Variants in CDK14 observed in about 807,000 individuals in gnomAD.
The protein encoded by CDK14 is cyclin-dependent kinase 14.
A neutral mutation model predicts 60.7 loss-of-function variants in CDK14; 34 were observed. That is an observed-to-expected ratio of 0.56 (90% CI 0.43 to 0.75). The LOEUF is 0.75. Among genes scored for constraint, CDK14 ranks in the 30% least tolerant of loss-of-function variants. CDK14 has a pLI of 0.00. For missense variants in CDK14, 482 were observed against 564.1 expected, an observed-to-expected ratio of 0.85 and a Z score of 1.47; for synonymous variants, 197 against 203.7, an observed-to-expected ratio of 0.97 and a Z score of 0.28.
At chr7:91,063,873 C>T (rs562659966) in intron 11 of CDK14, among the ~76,000 whole-genome samples, 3 of 152,002 alleles carry the variant, frequency 2.0e-5, no homozygotes, top group Non-Finnish European at 4.4e-5. Context: ...GTTTCAGTGG[C>T]AATATTAATA....
chr7:91,173,443 T>TG (rs1291956697), intron 14 of CDK14, among the ~76,000 whole-genome samples: 9 of 150,694 alleles, frequency 6.0e-5, no homozygotes, highest in Non-Finnish European at 1.0e-4. Flanking sequence ...AAAAAAAAGG[T>TG]GGGGAGGAGC....
chr7:90,886,118 CT>C (rs563342135), intron 6 of CDK14, among the ~76,000 whole-genome samples: 127 of 152,160 alleles, frequency 8.3e-4, no homozygotes, highest in African/African-American at 2.9e-3. Flanking sequence ...TTTTATTAAG[CT>C]TTTGAATCTG....
At chr7:91,066,413 C>T (rs977034250) in intron 11 of CDK14, among the ~76,000 whole-genome samples, 1 of 152,168 alleles carries the variant, frequency 6.6e-6, no homozygotes, top group Non-Finnish European at 1.5e-5. Context: ...TAGTTTCAGC[C>T]TTTCAAGTCC....
chr7:90,726,478 T>C, intron 2 of CDK14, 89 bp from the exon 3 acceptor site: 1 of 1,400,220 alleles, frequency 7.1e-7, no homozygotes, highest in Non-Finnish European at 9.7e-7. Flanking sequence ...AAACTGAAAT[T>C]GGCATGCTTT....
intron 4 of CDK14, among the ~76,000 whole-genome samples, chr7:90,765,039 A>G (rs1804497112): frequency 6.6e-6 from 1 of 152,214 alleles, no homozygotes; most frequent in Non-Finnish European, 1.5e-5. Flanking sequence ...ATAGGTATTG[A>G]AAGACAAGCC....
chr7:90,742,898 G>T (rs1803409974), intron 3 of CDK14, among the ~76,000 whole-genome samples: 1 of 151,874 alleles, frequency 6.6e-6, no homozygotes, highest in African/African-American at 2.4e-5. Flanking sequence ...TGGTACGGAG[G>T]TATTTTGGCT....
chr7:90,966,193 A>G (rs567856648), intron 9 of CDK14, among the ~76,000 whole-genome samples: 1 of 152,266 alleles, frequency 6.6e-6, no homozygotes, highest in Admixed American at 6.5e-5. Flanking sequence ...AGTCTTTTAT[A>G]TAACTTTGTA....
intron 14 of CDK14, among the ~76,000 whole-genome samples, chr7:91,193,114 T>C (rs1323362026): frequency 1.3e-5 from 2 of 152,220 alleles, no homozygotes; most frequent in Non-Finnish European, 2.9e-5. Flanking sequence ...GGAATTTCCT[T>C]CAAGCATTTA....
At chr7:91,119,278 C>T (rs935461039) in intron 14 of CDK14, among the ~76,000 whole-genome samples, 6 of 152,008 alleles carry the variant, frequency 3.9e-5, no homozygotes, top group South Asian at 2.1e-4. Context: ...CTCAGGAGTT[C>T]GAGAACAGCC....
At chr7:91,035,397 T>C (rs1796896143) in intron 10 of CDK14, among the ~76,000 whole-genome samples, 1 of 152,244 alleles carries the variant, frequency 6.6e-6, no homozygotes, top group Non-Finnish European at 1.5e-5. Context: ...TAGAATGCCC[T>C]TCTTTGCTGT....
chr7:90,736,270 C>T (rs926502163), intron 3 of CDK14, among the ~76,000 whole-genome samples: 2 of 149,740 alleles, frequency 1.3e-5, no homozygotes, highest in Non-Finnish European at 3.0e-5. Flanking sequence ...CCTATTTGGC[C>T]ATCTTGCCAG....
intron 14 of CDK14, among the ~76,000 whole-genome samples, chr7:91,193,242 C>G (rs35120957): frequency 2.0e-5 from 3 of 152,006 alleles, no homozygotes; most frequent in African/African-American, 7.2e-5. Flanking sequence ...GACCTGGAAT[C>G]TATGGGTCTA....
intron 9 of CDK14, among the ~76,000 whole-genome samples, chr7:90,978,762 G>A (rs802392): frequency 0.73 from 111,100 of 151,968 alleles, 40,725 homozygotes; most frequent in East Asian, 0.77. Context: ...ATCAAGTTTA[G>A]AATATCTACT....
intron 5 of CDK14, among the ~76,000 whole-genome samples, chr7:90,793,728 A>G (rs1247832409): frequency 6.6e-6 from 1 of 152,092 alleles, no homozygotes; most frequent in Non-Finnish European, 1.5e-5. Flanking sequence ...CTCTTAATAC[A>G]GAGGGAGGCA....
At chr7:90,728,308 TA>T (rs1802715559) in intron 3 of CDK14, among the ~76,000 whole-genome samples, 1 of 152,006 alleles carries the variant, frequency 6.6e-6, no homozygotes, top group African/African-American at 2.4e-5. Context: ...TAATTTTTTG[TA>T]ATCTTCTCTT....
At chr7:90,872,769 A>C (rs1791414789) in intron 6 of CDK14, among the ~76,000 whole-genome samples, 1 of 152,184 alleles carries the variant, frequency 6.6e-6, no homozygotes, top group Non-Finnish European at 1.5e-5. Flanking sequence ...ATGGTCTAAG[A>C]TAGAAGTGTT....
At chr7:90,759,837 T>C (rs901629716) in intron 4 of CDK14, among the ~76,000 whole-genome samples, 2 of 152,230 alleles carry the variant, frequency 1.3e-5, no homozygotes, top group African/African-American at 4.8e-5. Context: ...TCAGACTAAG[T>C]TGTCCCACAG....
chr7:90,662,015 T>C (rs1267397797), intron 2 of CDK14, among the ~76,000 whole-genome samples: 1 of 152,198 alleles, frequency 6.6e-6, no homozygotes, highest in Non-Finnish European at 1.5e-5. Flanking sequence ...AAAACAATTA[T>C]ATTTCAACAA....
At chr7:90,929,959 A>T (rs1288866149) in intron 8 of CDK14, among the ~76,000 whole-genome samples, 5 of 152,214 alleles carry the variant, frequency 3.3e-5, no homozygotes, top group Non-Finnish European at 7.4e-5. Context: ...ATTACTTTTT[A>T]TATTAGCATG....
Sources: gnomAD v4.1 joint callset for allele counts (sites outside exome capture counted in the v4.1 genomes callset) on GRCh38, gnomAD v4.1.1 for gene constraint, MANE v1.5 for transcripts, NCBI Gene and HGNC (gene_info 2026-07-23, HGNC 2026-07-21) for gene names.